PTPRG: variants seen among roughly 807,000 people sequenced by gnomAD.
The protein encoded by PTPRG is protein tyrosine phosphatase receptor type G, also known as receptor-type tyrosine-protein phosphatase gamma.
In PTPRG, 102 loss-of-function variants were observed where a neutral mutation model predicts 165.3. That is an observed-to-expected ratio of 0.62 (90% CI 0.53 to 0.73). The LOEUF (loss-of-function observed/expected upper bound fraction) is 0.73. Ranked by LOEUF, PTPRG falls within the 30% of genes least tolerant of loss-of-function variation. The pLI, the probability that PTPRG is intolerant of heterozygous loss-of-function variation, is 0.00. For missense variants in PTPRG, 1,866 were observed against 1,861.4 expected (o/e 1.00, Z -0.05); for synonymous variants, 675 against 669.5 (o/e 1.01, Z -0.13).
chr3:62,200,998 A>G (rs936479040), intron 10 of PTPRG, among the ~76,000 whole-genome samples: 4 of 152,226 alleles, frequency 2.6e-5, no homozygotes, highest in Non-Finnish European at 5.9e-5. Flanking sequence ...AATCAAGTTC[A>G]AATACAGGTA....
chr3:61,624,195 T>C (rs1386261881), intron 1 of PTPRG, among the ~76,000 whole-genome samples: 1 of 152,210 alleles, frequency 6.6e-6, no homozygotes, highest in Non-Finnish European at 1.5e-5. Flanking sequence ...AAATCCCGAC[T>C]CTACCACTTA....
At chr3:61,855,521 T>C (rs1040047310) in intron 2 of PTPRG, among the ~76,000 whole-genome samples, 4 of 151,462 alleles carry the variant, frequency 2.6e-5, no homozygotes, top group African/African-American at 9.8e-5. Flanking sequence ...ATTTTGGTCT[T>C]CCATGTAAAA....
intron 1 of PTPRG, among the ~76,000 whole-genome samples, chr3:61,574,992 A>G (rs929110578): frequency 6.6e-6 from 1 of 152,196 alleles, no homozygotes; most frequent in African/African-American, 2.4e-5. Context: ...GACTCAGACA[A>G]CTTCCACTAG....
At chr3:61,747,381 G>A (rs1402878664) in intron 1 of PTPRG, among the ~76,000 whole-genome samples, 5 of 152,184 alleles carry the variant, frequency 3.3e-5, no homozygotes, top group Admixed American at 6.5e-5. Flanking sequence ...GAATGGTTTG[G>A]ATGGAAGGCA....
intron 6 of PTPRG, among the ~76,000 whole-genome samples, chr3:62,135,674 A>G (rs1420652384): frequency 2.6e-5 from 4 of 152,162 alleles, no homozygotes; most frequent in African/African-American, 9.7e-5. Context: ...TTGAAGTGCA[A>G]GAAAGATTTT....
chr3:62,134,338 G>A (rs182779440), intron 6 of PTPRG, among the ~76,000 whole-genome samples: 208 of 152,312 alleles, frequency 1.4e-3, no homozygotes, highest in African/African-American at 4.8e-3. Context: ...CCCACGCTGT[G>A]CAAAGCCAGG....
At chr3:62,056,447 T>C (rs2106672038) in intron 4 of PTPRG, among the ~76,000 whole-genome samples, 1 of 152,298 alleles carries the variant, frequency 6.6e-6, no homozygotes, top group African/African-American at 2.4e-5. Context: ...TCATTAGTGT[T>C]AGTGTATTTT....
intron 1 of PTPRG, among the ~76,000 whole-genome samples, chr3:61,714,258 A>G (rs1407671705): frequency 6.6e-6 from 1 of 152,082 alleles, no homozygotes; most frequent in Non-Finnish European, 1.5e-5. Flanking sequence ...TTTCTCCATA[A>G]TAGAAGCCCT....
intron 2 of PTPRG, among the ~76,000 whole-genome samples, chr3:61,820,093 A>C (rs2035907229): frequency 6.6e-6 from 1 of 152,164 alleles, no homozygotes; most frequent in Non-Finnish European, 1.5e-5. Flanking sequence ...AAATTTTAGT[A>C]GATATGTGAG....
intron 1 of PTPRG, among the ~76,000 whole-genome samples, chr3:61,577,572 T>C (rs1006412670): frequency 3.3e-5 from 5 of 152,258 alleles, no homozygotes; most frequent in Non-Finnish European, 7.3e-5. Context: ...ATTTTAGATA[T>C]ATTAAGTAGA....
At chr3:62,144,677 C>A (rs1422774153) in intron 6 of PTPRG, among the ~76,000 whole-genome samples, 1 of 152,130 alleles carries the variant, frequency 6.6e-6, no homozygotes, top group African/African-American at 2.4e-5. Flanking sequence ...ATCTCAAAAT[C>A]TTCTAGAAAC....
In PTPRG at chr3:61,709,862, G is replaced by A. The variant is rs75987293; in HGVS notation, c.86-39016G>A. 4.0e-3 allele frequency among the ~76,000 whole-genome samples: 614 copies of A among 152,164 alleles called. 3 individuals are homozygous for A. The highest frequency in any genetic ancestry group is 7.0e-3 in the Non-Finnish European group (479 of 67,998). On this transcript the variant is annotated intron_variant, in intron 1 of 29. Transcript: ENST00000474889. Reference sequence around the variant, plus strand: ...GCCAGTGGTTCTCAAATTTTAGTAGGGCCCTGAATCACCTGGACGGCTTGA... The same window carrying A: ...GCCAGTGGTTCTCAAATTTTAGTAGAGCCCTGAATCACCTGGACGGCTTGA...
intron 5 of PTPRG, among the ~76,000 whole-genome samples, chr3:62,103,038 C>T (rs1702345387): frequency 1.3e-5 from 2 of 152,226 alleles, no homozygotes; most frequent in African/African-American, 4.8e-5. Context: ...TCTTTTATGA[C>T]ATCCTGCTTC....
chr3:61,906,179 G>C (rs1166765534), intron 2 of PTPRG, among the ~76,000 whole-genome samples: 1 of 151,834 alleles, frequency 6.6e-6, no homozygotes, highest in Admixed American at 6.6e-5. Flanking sequence ...TTGGGGCTGG[G>C]CTCGGTGGCT....
At chr3:62,026,835 G>A (rs1262528996) in intron 4 of PTPRG, among the ~76,000 whole-genome samples, 3 of 141,504 alleles carry the variant, frequency 2.1e-5, no homozygotes, top group East Asian at 2.1e-4. Flanking sequence ...GCAGTAAGCC[G>A]AGATTGCACT....
intron 2 of PTPRG, among the ~76,000 whole-genome samples, chr3:61,760,933 C>G (rs753450302): frequency 6.6e-6 from 1 of 152,166 alleles, no homozygotes; most frequent in Non-Finnish European, 1.5e-5. Flanking sequence ...AATGAAGGAT[C>G]TCATTCCTTT....
Position 62,292,458 on chromosome 3 carries a change from A to G in PTPRG, c.4093A>G (p.Thr1365Ala), listed in dbSNP as rs137949763. The G allele has an allele frequency of 2.4e-4, 388 of 1,613,162 alleles. 1 individual carries two copies. Among genetic ancestry groups the G allele is most frequent in the Admixed American group, 1.1e-3 (66 of 59,908 alleles). ...AVSAGMLCALTTLSQQLENEN... is the reference protein window; with the variant it reads ...AVSAGMLCALATLSQQLENEN... ...TTCAGCAGGAATGTTATGTGCCCTT[A>G]CCACCCTGTCCCAGCAACTGGAGAA... The change falls in exon 29 of 30, where the codon ACC (threonine) becomes GCC (alanine). Residue 1365 changes from threonine to alanine, a missense_variant. By Grantham distance (58) the Thr-to-Ala change is moderately conservative. This residue lies in a region of PTPRG where 1,452 missense variants were observed against 1,463.0 expected (regional missense o/e 0.99). Transcript: ENST00000474889.
chr3:62,081,304 T>C (rs1055968243), intron 5 of PTPRG, among the ~76,000 whole-genome samples: 2 of 151,720 alleles, frequency 1.3e-5, no homozygotes, highest in African/African-American at 4.9e-5. Flanking sequence ...AAAAACATAA[T>C]TTTACATAGA....
chr3:62,150,283 G>A (rs1704281942), intron 6 of PTPRG, among the ~76,000 whole-genome samples: 1 of 152,204 alleles, frequency 6.6e-6, no homozygotes, highest in Admixed American at 6.5e-5. Flanking sequence ...CAGCAAAGAG[G>A]CCAGTGTAGC....
Sources: gnomAD v4.1 joint callset for allele counts (sites outside exome capture counted in the v4.1 genomes callset) on GRCh38, gnomAD v4.1.1 for gene constraint, gnomAD v4.1.1 regional missense constraint, MANE v1.5 for transcripts, NCBI Gene and HGNC (gene_info 2026-07-23, HGNC 2026-07-21) for gene names.